Variants in SOX6 observed in about 807,000 individuals in gnomAD.
The protein encoded by SOX6 is SRY-box transcription factor 6, also known as transcription factor SOX-6.
SOX6 carries 11 observed loss-of-function variants against 97.8 expected under a neutral mutation model. That is an observed-to-expected ratio of 0.11 (90% CI 0.07 to 0.19). SOX6 has a LOEUF of 0.19. Among genes scored for constraint, SOX6 ranks in the 10% least tolerant of loss-of-function variants. The pLI is 1.00. For synonymous variants in SOX6, 360 were observed against 371.4 expected, an observed-to-expected ratio of 0.97 and a Z score of 0.35; for missense variants, 810 against 1,039.5, an observed-to-expected ratio of 0.78 and a Z score of 3.04.
chr11:16,731,572 A>G (rs187157554), intron 2 of SOX6, among the ~76,000 whole-genome samples: 1 of 152,324 alleles, frequency 6.6e-6, no homozygotes, highest in East Asian at 1.9e-4. Flanking sequence ...CTCTCAATAA[A>G]TTAGATATTG....
chr11:16,243,172 G>A (rs1853242696), intron 3 of SOX6, among the ~76,000 whole-genome samples: 1 of 151,968 alleles, frequency 6.6e-6, no homozygotes, highest in Non-Finnish European at 1.5e-5. Flanking sequence ...AACACTTGCT[G>A]AGCACATATC....
exon 1 of SOX6, chr11:16,738,447 G>A: frequency 2.4e-6 from 1 of 411,542 alleles, no homozygotes. Context: ...CCGCGGGAAC[G>A]CTTCCTCCAC....
At chr11:16,340,968 T>G in intron 2 of SOX6, 44 bp downstream of exon 2, 2 of 1,612,078 alleles carry the variant, frequency 1.2e-6, no homozygotes, top group South Asian at 2.2e-5. Flanking sequence ...GAGGACATTC[T>G]AAGGAATGCA....
chr11:16,361,966 T>C (rs560408585), intron 1 of SOX6, among the ~76,000 whole-genome samples: 10 of 152,334 alleles, frequency 6.6e-5, no homozygotes, highest in Non-Finnish European at 1.2e-4. Flanking sequence ...ACATTATTTC[T>C]TTCAATTCAC....
chr11:16,096,592 T>C (rs1848800742), intron 8 of SOX6, among the ~76,000 whole-genome samples: 2 of 151,828 alleles, frequency 1.3e-5, no homozygotes, highest in South Asian at 4.1e-4. Flanking sequence ...ATTCTTTATT[T>C]GCAGATCCAG....
At chr11:16,275,291 A>C (rs1038785582) in intron 3 of SOX6, among the ~76,000 whole-genome samples, 21 of 150,402 alleles carry the variant, frequency 1.4e-4, no homozygotes, top group Non-Finnish European at 1.9e-4. Flanking sequence ...AATACAAAAA[A>C]AAAAAAAAAA....
chr11:16,392,879 T>C (rs1858227753), intron 1 of SOX6, among the ~76,000 whole-genome samples: 1 of 152,140 alleles, frequency 6.6e-6, no homozygotes, highest in Non-Finnish European at 1.5e-5. Context: ...TTAAGTTGAC[T>C]CACTTCCCTG....
upstream of SOX6, among the ~76,000 whole-genome samples, chr11:16,480,987 T>C (rs917095486): frequency 3.3e-5 from 5 of 152,172 alleles, no homozygotes. Context: ...CGATGCCTGG[T>C]CTTTTATATA....
chr11:16,429,274 T>C (rs989433258), intron 1 of SOX6, among the ~76,000 whole-genome samples: 2 of 152,116 alleles, frequency 1.3e-5, no homozygotes, highest in African/African-American at 4.8e-5. Flanking sequence ...TGACAATTCC[T>C]CAAAGACCTA....
At chr11:16,587,008 T>C (rs539284109) in intron 4 of SOX6, among the ~76,000 whole-genome samples, 2 of 152,322 alleles carry the variant, frequency 1.3e-5, no homozygotes, top group South Asian at 4.1e-4. Flanking sequence ...TGTACAAGAC[T>C]TTCAGTTAAC....
At chr11:16,219,132 C>T (rs750285685) in intron 4 of SOX6, among the ~76,000 whole-genome samples, 2 of 151,972 alleles carry the variant, frequency 1.3e-5, no homozygotes, top group Non-Finnish European at 2.9e-5. Context: ...TAAGAGCTAC[C>T]AACTTGTGTC....
At chr11:16,240,275 A>AGT (rs4031660) in intron 3 of SOX6, among the ~76,000 whole-genome samples, 22,877 of 128,820 alleles carry the variant, frequency 0.18, 2,124 homozygotes, top group South Asian at 0.26. Context: ...TAGATAATAT[A>AGT]GTGTGTGTGT....
At chr11:16,623,229 C>A (rs1487413646) in intron 3 of SOX6, among the ~76,000 whole-genome samples, 5 of 152,158 alleles carry the variant, frequency 3.3e-5, no homozygotes, top group African/African-American at 1.2e-4. Context: ...CCATGTTGGT[C>A]AGACTAGTCT....
At chr11:16,532,039 T>A (rs888018109) in intron 4 of SOX6, among the ~76,000 whole-genome samples, 10 of 151,856 alleles carry the variant, frequency 6.6e-5, no homozygotes, top group Non-Finnish European at 1.3e-4. Flanking sequence ...ATGGAAATAA[T>A]CTCCAATTGG....
intron 3 of SOX6, among the ~76,000 whole-genome samples, chr11:16,272,475 G>C (rs1854286577): frequency 6.6e-6 from 1 of 151,692 alleles, no homozygotes; most frequent in African/African-American, 2.4e-5. Flanking sequence ...AGAATATAAA[G>C]TGTATATAAT....
intron 6 of SOX6, among the ~76,000 whole-genome samples, chr11:16,137,475 A>G (rs1010972575): frequency 6.6e-6 from 1 of 152,180 alleles, no homozygotes; most frequent in African/African-American, 2.4e-5. Context: ...GTGGGTTGTA[A>G]GAGAGTAAGA....
intron 1 of SOX6, among the ~76,000 whole-genome samples, chr11:16,353,149 T>G (rs183182495): frequency 6.6e-6 from 1 of 152,134 alleles, no homozygotes; most frequent in Admixed American, 6.6e-5. Flanking sequence ...GAGATCCAAT[T>G]TCTACCTTCC....
At chr11:16,197,738 CA>C (rs1851820926) in intron 4 of SOX6, among the ~76,000 whole-genome samples, 1 of 151,990 alleles carries the variant, frequency 6.6e-6, no homozygotes, top group South Asian at 2.1e-4. Context: ...GTAGCATTCA[CA>C]ATATTCAGGG....
At chr11:16,321,662 G>T (rs1855930272) in intron 2 of SOX6, among the ~76,000 whole-genome samples, 1 of 152,032 alleles carries the variant, frequency 6.6e-6, no homozygotes, top group Non-Finnish European at 1.5e-5. Context: ...CCCATAATCT[G>T]TGCAAAGTGG....
Sources: gnomAD v4.1 joint callset for allele counts (sites outside exome capture counted in the v4.1 genomes callset) on GRCh38, gnomAD v4.1.1 for gene constraint, MANE v1.5 for transcripts, NCBI Gene and HGNC (gene_info 2026-07-23, HGNC 2026-07-21) for gene names.